Variants in DPP10 observed in about 807,000 individuals in gnomAD.
DPP10 encodes dipeptidyl peptidase like 10.
In DPP10, 33 loss-of-function variants were observed where a neutral mutation model predicts 120.9. That is an observed-to-expected ratio of 0.27 (90% CI 0.21 to 0.37). The LOEUF (loss-of-function observed/expected upper bound fraction) is 0.37, where lower values mean the gene tolerates loss of function less well. Among genes scored for constraint, DPP10 ranks in the 10% least tolerant of loss-of-function variants. The pLI, the probability that DPP10 is intolerant of heterozygous loss-of-function variation, is 1.00. For missense variants in DPP10, 816 were observed against 942.8 expected, an observed-to-expected ratio of 0.87 and a Z score of 1.76; for synonymous variants, 337 against 326.1, an observed-to-expected ratio of 1.03 and a Z score of -0.36.
At chr2:115,478,188 C>T (rs929645695) in intron 3 of DPP10, among the ~76,000 whole-genome samples, 1 of 152,132 alleles carries the variant, frequency 6.6e-6, no homozygotes, top group African/African-American at 2.4e-5. Flanking sequence ...AGCCAAACCA[C>T]ATCTATTGGC....
intron 5 of DPP10, among the ~76,000 whole-genome samples, chr2:115,543,353 G>A (rs571082918): frequency 6.6e-6 from 1 of 152,142 alleles, no homozygotes; most frequent in South Asian, 2.1e-4. Flanking sequence ...CTTAGTAAAT[G>A]AACAAAGCTC....
intron 4 of DPP10, among the ~76,000 whole-genome samples, chr2:115,521,317 C>G (rs1181440318): frequency 6.6e-6 from 1 of 152,138 alleles, no homozygotes; most frequent in African/African-American, 2.4e-5. Context: ...AAACTTTCAT[C>G]TATTACTCTG....
chr2:114,814,923 T>C (rs1685499021), intron 1 of DPP10, among the ~76,000 whole-genome samples: 1 of 152,154 alleles, frequency 6.6e-6, no homozygotes, highest in Middle Eastern at 3.2e-3. Context: ...TTTTGTTGTC[T>C]ACGGGTTTGG....
intron 1 of DPP10, among the ~76,000 whole-genome samples, chr2:114,453,541 G>C (rs1173839529): frequency 4.6e-5 from 7 of 152,074 alleles, no homozygotes; most frequent in Non-Finnish European, 7.4e-5. Context: ...GCTACATCTA[G>C]GGATTTGAAG....
At chr2:114,558,048 TG>T (rs1160451173) in intron 1 of DPP10, among the ~76,000 whole-genome samples, 1 of 152,178 alleles carries the variant, frequency 6.6e-6, no homozygotes, top group East Asian at 1.9e-4. Context: ...TTAAAAACTA[TG>T]TGAGGATGAC....
intron 5 of DPP10, among the ~76,000 whole-genome samples, chr2:115,533,979 A>G (rs2078632860): frequency 6.6e-6 from 1 of 152,106 alleles, no homozygotes; most frequent in African/African-American, 2.4e-5. Flanking sequence ...GACAAAAAGG[A>G]AGGAAAGAAG....
chr2:115,508,490 T>C (rs1001859263), intron 4 of DPP10, among the ~76,000 whole-genome samples: 5 of 152,216 alleles, frequency 3.3e-5, no homozygotes, highest in African/African-American at 1.2e-4. Flanking sequence ...AACTGCAAAG[T>C]ATAGGAATAT....
At chr2:114,707,592 A>G (rs1384634350) in intron 1 of DPP10, among the ~76,000 whole-genome samples, 1 of 152,166 alleles carries the variant, frequency 6.6e-6, no homozygotes, top group Non-Finnish European at 1.5e-5. Context: ...GGGGCTCAAT[A>G]GCTTTACTTG....
chr2:114,776,783 T>C (rs1681785742), intron 1 of DPP10, among the ~76,000 whole-genome samples: 1 of 152,050 alleles, frequency 6.6e-6, no homozygotes, highest in Non-Finnish European at 1.5e-5. Flanking sequence ...ATTATAAGAA[T>C]TGATGAGTAT....
At chr2:114,592,956 G>T (rs1245993651) in intron 1 of DPP10, among the ~76,000 whole-genome samples, 1 of 152,036 alleles carries the variant, frequency 6.6e-6, no homozygotes, top group Non-Finnish European at 1.5e-5. Flanking sequence ...GTCTTTTTGT[G>T]ATTGGTTTAT....
chr2:115,830,358 CAAA>C (rs545749288), intron 21 of DPP10, among the ~76,000 whole-genome samples: 20 of 71,256 alleles, frequency 2.8e-4, no homozygotes, highest in Admixed American at 5.2e-4. Flanking sequence ...AATTCTGTCT[CAAA>C]AAAAAAAAAA....
At chr2:114,984,511 G>T (rs1700279533) in intron 1 of DPP10, among the ~76,000 whole-genome samples, 1 of 152,100 alleles carries the variant, frequency 6.6e-6, no homozygotes, top group Admixed American at 6.5e-5. Context: ...AATGAAAACA[G>T]CTGGGTGCAG....
At chr2:115,528,514 G>A (rs1246216674) in intron 5 of DPP10, among the ~76,000 whole-genome samples, 1 of 150,712 alleles carries the variant, frequency 6.6e-6, no homozygotes, top group Non-Finnish European at 1.5e-5. Context: ...ATTCCTTCAA[G>A]TCATTTATCC....
chr2:115,185,660 T>C (rs1011527537), intron 1 of DPP10, among the ~76,000 whole-genome samples: 1 of 152,188 alleles, frequency 6.6e-6, no homozygotes, highest in African/African-American at 2.4e-5. Flanking sequence ...TTTAGGATAA[T>C]GATTAAAATA....
intron 1 of DPP10, among the ~76,000 whole-genome samples, chr2:115,246,751 T>G (rs888789785): frequency 1.3e-5 from 2 of 152,160 alleles, no homozygotes; most frequent in Non-Finnish European, 2.9e-5. Flanking sequence ...TTTTACTATA[T>G]GTATACTTAT....
rs182394019 is a variant in DPP10, at chr2:114,722,505, G to A, written c.60+279667G>A. ...TTAAAACAGCTAACCAGTCGGGCGCGGTGGCTCACGCCTGTAATCCCAGCA... is the reference window on the plus strand; with the variant it reads ...TTAAAACAGCTAACCAGTCGGGCGCAGTGGCTCACGCCTGTAATCCCAGCA... On this transcript the variant is annotated intron_variant, in intron 1 of 25. Transcript: ENST00000410059. 9.0e-3 allele frequency among the ~76,000 whole-genome samples: 1,376 copies of A among 152,050 alleles called. 27 individuals carry two copies. Among genetic ancestry groups the A allele is most frequent in the African/African-American group, 0.032 (1,311 of 41,488 alleles).
At chr2:114,829,977 C>A (rs1231006582) in intron 1 of DPP10, among the ~76,000 whole-genome samples, 1 of 152,042 alleles carries the variant, frequency 6.6e-6, no homozygotes, top group Non-Finnish European at 1.5e-5. Flanking sequence ...ACCCATTTTC[C>A]TCTAAGCTCT....
intron 2 of DPP10, among the ~76,000 whole-genome samples, chr2:115,313,812 G>A (rs2106053315): frequency 6.6e-6 from 1 of 152,228 alleles, no homozygotes; most frequent in East Asian, 1.9e-4. Flanking sequence ...AAGTATTTCT[G>A]AAAGGAACAA....
At chr2:115,409,118 G>T (rs1158505321) in intron 3 of DPP10, among the ~76,000 whole-genome samples, 2 of 152,036 alleles carry the variant, frequency 1.3e-5, no homozygotes, top group Non-Finnish European at 2.9e-5. Flanking sequence ...ATCAAATTGG[G>T]AATGTGAAAG....
Sources: allele counts gnomAD v4.1 joint callset (sites outside exome capture counted in the v4.1 genomes callset), GRCh38; gene constraint gnomAD v4.1.1; transcripts MANE v1.5; gene names NCBI Gene and HGNC (gene_info 2026-07-23, HGNC 2026-07-21).